QKI: variants seen among roughly 807,000 people sequenced by gnomAD.
QKI encodes KH domain-containing RNA-binding protein QKI.
In QKI, 10 loss-of-function variants were observed where a neutral mutation model predicts 39.0. The ratio of observed to expected loss-of-function variants is 0.26; its 90% CI spans 0.16 to 0.43. The LOEUF (loss-of-function observed/expected upper bound fraction) is 0.43, where lower values mean the gene tolerates loss of function less well. QKI is among the 20% of genes least tolerant of loss of function. QKI has a pLI of 1.00. For missense variants in QKI, 218 were observed against 428.0 expected, an observed-to-expected ratio of 0.51 and a Z score of 4.33; for synonymous variants, 204 against 155.4, an observed-to-expected ratio of 1.31 and a Z score of -2.33.
intron 1 of QKI, among the ~76,000 whole-genome samples, chr6:163,447,350 T>C (rs1414222559): frequency 6.7e-6 from 1 of 149,766 alleles, no homozygotes; most frequent in Non-Finnish European, 1.5e-5. Context: ...TTTCTGTATG[T>C]TGGGGATAAT....
chr6:163,443,118 T>G (rs751023966), intron 1 of QKI, among the ~76,000 whole-genome samples: 3 of 152,236 alleles, frequency 2.0e-5, no homozygotes, highest in Non-Finnish European at 4.4e-5. Context: ...AATAATGTTT[T>G]CAATACCAAT....
At chr6:163,524,472 T>G (rs1780351192) in intron 3 of QKI, among the ~76,000 whole-genome samples, 1 of 152,160 alleles carries the variant, frequency 6.6e-6, no homozygotes, top group Non-Finnish European at 1.5e-5. Context: ...TTTCTTTTTT[T>G]TATTTTTTGA....
At chr6:163,493,909 T>TGAAAA (rs1778228217) in intron 3 of QKI, among the ~76,000 whole-genome samples, 2 of 152,168 alleles carry the variant, frequency 1.3e-5, no homozygotes, top group Non-Finnish European at 2.9e-5. Flanking sequence ...CTTATCTGTT[T>TGAAAA]CACTTGTTTA....
Position 163,573,296 on chromosome 6 carries a change from TTC to T in QKI, c.*2588_*2589del, listed in dbSNP as rs2128253683. 6.6e-6 allele frequency: 1 copy of T among 152,312 alleles called. No homozygotes were observed. Among genetic ancestry groups the T allele is most frequent in the Non-Finnish European group, 1.5e-5 (1 of 68,016 alleles). The allele number at this position is 152,312 out of a possible 1,614,324, so 9.4% of individuals were successfully genotyped here. A position where few individuals can be genotyped will look rare whatever the true frequency, so the allele number is the denominator to read the frequency against. Reference sequence around the variant, plus strand: ...AAATATGTAGTTTTTAAGACTTTTTTTCTGACAGTATTATGTAATTTTTTAGC... The same window carrying T: ...AAATATGTAGTTTTTAAGACTTTTTTTGACAGTATTATGTAATTTTTTAGC... On this transcript the variant is annotated 3_prime_UTR_variant, in exon 8 of 8. Coordinates refer to ENST00000361752, the MANE Select transcript of QKI (RefSeq NM_006775.3).
In QKI at chr6:163,578,096, C is replaced by T. The variant is rs565814103; in HGVS notation, c.*7386C>T. ...TTGTGAACTGTATACCCTCTGAAAG[C>T]GCTTATTTTTACATGCTACACAACA... On this transcript the variant is annotated 3_prime_UTR_variant, in exon 8 of 8. Coordinates refer to ENST00000361752, the MANE Select transcript of QKI (RefSeq NM_006775.3). The T allele has an allele frequency of 2.0e-5, 3 of 152,030 alleles. No individual in the cohort carries two copies. The highest frequency in any genetic ancestry group is 2.9e-5 in the Non-Finnish European group (2 of 67,992). 9.4% of individuals were successfully genotyped at this position (152,030 alleles called of 1,614,324 possible).
intron 5 of QKI, among the ~76,000 whole-genome samples, chr6:163,562,577 TC>T (rs1243005692): frequency 2.0e-5 from 3 of 152,212 alleles, no homozygotes; most frequent in Non-Finnish European, 2.9e-5. Flanking sequence ...TAACTCTTTT[TC>T]CGTCCTATTT....
intron 1 of QKI, among the ~76,000 whole-genome samples, chr6:163,451,900 A>T (rs1287355399): frequency 1.3e-5 from 2 of 152,250 alleles, no homozygotes; most frequent in Non-Finnish European, 2.9e-5. Flanking sequence ...TTTCCATAGT[A>T]GTTTGGCTAT....
At chr6:163,458,489 A>G (rs910816510) in intron 2 of QKI, among the ~76,000 whole-genome samples, 5 of 152,238 alleles carry the variant, frequency 3.3e-5, no homozygotes, top group Admixed American at 6.5e-5. Context: ...ACATATTTGT[A>G]TGAAACTCAT....
At chr6:163,505,125 G>A (rs1023348032) in intron 3 of QKI, among the ~76,000 whole-genome samples, 10 of 152,154 alleles carry the variant, frequency 6.6e-5, no homozygotes, top group Admixed American at 5.2e-4. Context: ...TTGGGCTTGT[G>A]GGTGCACAGA....
rs1777661053 is a variant in QKI at position 163,577,746 on chromosome 6, G to A, written c.*7036G>A. On this transcript the variant is annotated 3_prime_UTR_variant, in exon 8 of 8. Transcript: ENST00000361752. ...TTCAAACCAGCTTCTCAAAAGGGGTGACATAAAATCAGTTTTGATGTTTTT... is the reference window on the plus strand; with the variant it reads ...TTCAAACCAGCTTCTCAAAAGGGGTAACATAAAATCAGTTTTGATGTTTTT... 6.6e-6 allele frequency: 1 copy of A among 152,174 alleles called. No homozygotes were observed. The highest frequency in any genetic ancestry group is 1.5e-5 in the Non-Finnish European group (1 of 68,034). 9.4% of individuals were successfully genotyped at this position (152,174 alleles called of 1,614,324 possible).
chr6:163,501,584 T>C (rs954277555), intron 3 of QKI, among the ~76,000 whole-genome samples: 4 of 152,160 alleles, frequency 2.6e-5, no homozygotes, highest in African/African-American at 7.2e-5. Flanking sequence ...TGTGTTTAAT[T>C]ATAGGTGTCT....
At chr6:163,516,872 T>C (rs1389902788) in intron 3 of QKI, among the ~76,000 whole-genome samples, 1 of 152,144 alleles carries the variant, frequency 6.6e-6, no homozygotes. Flanking sequence ...ACTATAACTG[T>C]TTTGAAACAC....
chr6:163,515,163 G>A (rs1330938370), intron 3 of QKI, among the ~76,000 whole-genome samples: 2 of 152,086 alleles, frequency 1.3e-5, no homozygotes, highest in African/African-American at 4.8e-5. Flanking sequence ...ATACTCAAGC[G>A]AATGCACCTT....
In QKI at chr6:163,576,413, T is replaced by C. The variant is rs1183335514; in HGVS notation, c.*5703T>C. 1.3e-5 allele frequency: 2 copies of C among 152,270 alleles called. No homozygotes were observed. The highest frequency in any genetic ancestry group is 1.9e-4 in the East Asian group (1 of 5,184). 9.4% of individuals were successfully genotyped at this position (152,270 alleles called of 1,614,324 possible). Reference sequence around the variant, plus strand: ...TTCCACATTATAATGTTGTTGCCTCTTCTTGGCAAAAGACACCACATTGTG... The same window carrying C: ...TTCCACATTATAATGTTGTTGCCTCCTCTTGGCAAAAGACACCACATTGTG... On this transcript the variant is annotated 3_prime_UTR_variant, in exon 8 of 8. Transcript: ENST00000361752.
At chr6:163,441,720 T>G (rs1440101212) in intron 1 of QKI, among the ~76,000 whole-genome samples, 3 of 152,112 alleles carry the variant, frequency 2.0e-5, no homozygotes, top group Non-Finnish European at 4.4e-5. Context: ...GAAGGAGGTG[T>G]TAGTGTGAGC....
intron 3 of QKI, among the ~76,000 whole-genome samples, chr6:163,533,231 A>G (rs371404654): frequency 6.6e-6 from 1 of 152,144 alleles, no homozygotes; most frequent in African/African-American, 2.4e-5. Context: ...TAACAAAACT[A>G]ATTTTTCTTG....
At chr6:163,508,400 AT>A (rs1779227340) in intron 3 of QKI, among the ~76,000 whole-genome samples, 2 of 152,216 alleles carry the variant, frequency 1.3e-5, no homozygotes, top group Admixed American at 1.3e-4. Flanking sequence ...GCAAGAAAAA[AT>A]TACACACCAT....
intron 4 of QKI, among the ~76,000 whole-genome samples, chr6:163,551,201 G>T (rs1333058866): frequency 1.3e-5 from 2 of 152,112 alleles, no homozygotes; most frequent in Non-Finnish European, 2.9e-5. Flanking sequence ...ATCAAAATTT[G>T]TAGGGATTCC....
chr6:163,482,524 G>A (rs529342189), intron 3 of QKI, among the ~76,000 whole-genome samples: 1 of 152,326 alleles, frequency 6.6e-6, no homozygotes, highest in African/African-American at 2.4e-5. Flanking sequence ...AGCCCCAGTG[G>A]TGACCTGTGC....
Sources: gnomAD v4.1 joint callset for allele counts (sites outside exome capture counted in the v4.1 genomes callset) on GRCh38, gnomAD v4.1.1 for gene constraint, MANE v1.5 for transcripts, NCBI Gene and HGNC (gene_info 2026-07-23, HGNC 2026-07-21) for gene names.